The following TASOR2 variants were observed in gnomAD, a reference collection of about 807,000 sequenced individuals.
TASOR2 encodes protein TASOR 2.
TASOR2 carries 84 observed loss-of-function variants against 199.5 expected under a neutral mutation model. That is an observed-to-expected ratio of 0.42 (90% CI 0.35 to 0.50). The LOEUF is 0.50. Among genes scored for constraint, TASOR2 ranks in the 20% least tolerant of loss-of-function variants. The probability of loss-of-function intolerance (pLI) is 0.02; values close to 1 mark genes in which losing one functional copy is unlikely to be tolerated. For missense variants in TASOR2, 2,796 were observed against 2,835.9 expected, an observed-to-expected ratio of 0.99 and a Z score of 0.32; for synonymous variants, 1,103 against 1,046.6, an observed-to-expected ratio of 1.05 and a Z score of -1.04.
At chr10:5,727,845 A>G (rs1834251300) in intron 10 of TASOR2, among the ~76,000 whole-genome samples, 2 of 152,238 alleles carry the variant, frequency 1.3e-5, no homozygotes, top group African/African-American at 4.8e-5. Flanking sequence ...TTTAATGCCT[A>G]CCCTTCTTGT....
At position 5,722,109 on chromosome 10, in the gene TASOR2, G is replaced by A. The variant is rs1281334196; in HGVS notation, c.146+1139G>A. Reference sequence around the variant, plus strand: ...AAGATGTAGGTTAAGTCATAGTATCGTTATCATTGTGAATGTGTTGATTTT... The same window carrying A: ...AAGATGTAGGTTAAGTCATAGTATCATTATCATTGTGAATGTGTTGATTTT... On this transcript the variant is annotated intron_variant, in intron 6 of 20. Coordinates refer to ENST00000328090, the Ensembl canonical transcript of TASOR2. This position sits in a 1 kb window ranked among gnomAD's most constrained non-coding sequence, Gnocchi z 4.0. Among the ~76,000 whole-genome samples the A allele has an allele frequency of 6.6e-6, 1 of 152,112 alleles. No homozygotes were observed. Among genetic ancestry groups the A allele is most frequent in the African/African-American group, 2.4e-5 (1 of 41,408 alleles).
Position 5,748,738 on chromosome 10 carries a change from G to A in TASOR2, c.5317G>A (p.Ala1773Thr), listed in dbSNP as rs767026282. The A allele has an allele frequency of 1.5e-5, 24 of 1,614,022 alleles. No individual in the cohort carries two copies. Among genetic ancestry groups the A allele is most frequent in the Non-Finnish European group, 1.9e-5 (23 of 1,180,028 alleles). The change falls in exon 15 of 21, where the codon GCC (alanine) becomes ACC (threonine). Residue 1773 changes from alanine to threonine, a missense_variant. This residue lies in a region of TASOR2 where 1,941 missense variants were observed against 1,924.9 expected (regional missense o/e 1.01). Coordinates refer to ENST00000328090, the Ensembl canonical transcript of TASOR2. This position sits in a 1 kb window ranked among gnomAD's most constrained non-coding sequence, Gnocchi z 5.1. Reference sequence around the variant, plus strand: ...GGAAAACCTCAGTAAAGAGCCTTTGGCCTCCTTTGTTTCAGAATCCTTTGA... The same window carrying A: ...GGAAAACCTCAGTAAAGAGCCTTTGACCTCCTTTGTTTCAGAATCCTTTGA...
intron 1 of TASOR2, among the ~76,000 whole-genome samples, chr10:5,707,539 C>T (rs1838787035): frequency 6.6e-6 from 1 of 152,044 alleles, no homozygotes; most frequent in Non-Finnish European, 1.5e-5. Context: ...CTGTAGACTT[C>T]CATTTATATC....
chr10:5,724,824 ATG>A (rs1833841968), intron 8 of TASOR2, among the ~76,000 whole-genome samples: 2 of 151,770 alleles, frequency 1.3e-5, no homozygotes, highest in East Asian at 3.9e-4. Flanking sequence ...ACTGAACCCT[ATG>A]TATACTGTGT....
chr10:5,687,956 T>TA lies in TASOR2; in HGVS notation c.-288+2781_-288+2782insA. Among the ~76,000 whole-genome samples, 1 of 152,254 alleles carries TA rather than the reference T, an allele frequency of 6.6e-6. No individual in the cohort carries two copies. ...CCTTTAAATATAATAACCCATTACA[T>TA]CTTAACATATTTTATCTCCCCAAAA... On this transcript the variant is annotated intron_variant, in intron 1 of 20. Coordinates refer to ENST00000328090, the Ensembl canonical transcript of TASOR2. This position sits in a 1 kb window ranked among gnomAD's most constrained non-coding sequence, Gnocchi z 4.8.
Position 5,720,448 on chromosome 10 carries a change from T to A in TASOR2, c.-99-96T>A. The A allele has an allele frequency of 7.0e-7, 1 of 1,423,330 alleles. No homozygotes were observed. Among genetic ancestry groups the A allele is most frequent in the Non-Finnish European group, 9.1e-7 (1 of 1,094,522 alleles). 88.2% of individuals were successfully genotyped at this position (1,423,330 alleles called of 1,614,324 possible). ...ACCCAAGATATATTTCTGACTCTAA[T>A]GTGTTAAATTTCAGGGCTCGGTGGG... is the stretch of plus-strand genomic sequence containing the variant. On this transcript the variant is annotated intron_variant, in intron 3 of 20. Coordinates refer to ENST00000328090, the Ensembl canonical transcript of TASOR2. This position sits in a 1 kb window ranked among gnomAD's most constrained non-coding sequence, Gnocchi z 5.3.
At position 5,717,695 on chromosome 10, in the gene TASOR2, C is replaced by G. The variant is rs187989210; in HGVS notation, c.-155C>G. ...TCCAAATACTCCGACTGTCTTCATTCAAGACCATGGTATCATGGGAAATCT... is the reference window on the plus strand; with the variant it reads ...TCCAAATACTCCGACTGTCTTCATTGAAGACCATGGTATCATGGGAAATCT... On this transcript the variant is annotated 5_prime_UTR_variant, in exon 3 of 21. Transcript: ENST00000328090. The G allele has an allele frequency of 2.8e-3, 3,485 of 1,225,714 alleles. 11 individuals are homozygous for G. The highest frequency in any genetic ancestry group is 2.7e-3 in the Non-Finnish European group (2,605 of 982,198). The allele number at this position is 1,225,714 out of a possible 1,614,324, so 75.9% of individuals were successfully genotyped here.
rs562625750 is a variant in TASOR2, at chr10:5,739,257, T to C, written c.1448-361T>C. On this transcript the variant is annotated intron_variant, in intron 12 of 20. Transcript: ENST00000328090. ...CTCATCTTTTTTGGGTTTTTTTGTT[T>C]GTACATTTTTTGAGCTGAGCTGTAT... 7.2e-5 allele frequency among the ~76,000 whole-genome samples: 11 copies of C among 152,294 alleles called. No individual in the cohort carries two copies. In the East Asian group the frequency reaches 2.1e-3, roughly 29 times the overall value.
rs1835657105 is a variant in TASOR2, at chr10:5,685,136, G to GA, written c.-326dup. 1 of 398,232 alleles carries GA rather than the reference G, an allele frequency of 2.5e-6. No individual in the cohort carries two copies. Among genetic ancestry groups the GA allele is most frequent in the African/African-American group, 2.1e-5 (1 of 48,732 alleles). 24.7% of individuals were successfully genotyped at this position (398,232 alleles called of 1,614,324 possible). A position where few individuals can be genotyped will look rare whatever the true frequency, so the allele number is the denominator to read the frequency against. On this transcript the variant is annotated 5_prime_UTR_variant, in exon 1 of 21. It removes the in-frame stop codon of an upstream open reading frame in the 5' UTR. Transcript: ENST00000328090. This position sits in a 1 kb window ranked among gnomAD's most constrained non-coding sequence, Gnocchi z 5.4. ...AAGCATGGGAAGGAGGCCGAGCCGG[G>GA]ATCTCAGGTCCTCGGGGGCGGCGGC...
chr10:5,707,660 C>T (rs1197841693), intron 1 of TASOR2, among the ~76,000 whole-genome samples: 21 of 150,880 alleles, frequency 1.4e-4, no homozygotes, highest in Admixed American at 2.0e-4. Context: ...CTCTTTCTCT[C>T]TCTCTCTCTC....
chr10:5,746,031 T>C, intron 14 of TASOR2, 148 bp from the exon 16 acceptor site: 1 of 879,438 alleles, frequency 1.1e-6, no homozygotes, highest in Non-Finnish European at 1.6e-6. Flanking sequence ...ATTTGTACCC[T>C]GTGATATTCT....
At position 5,747,728 on chromosome 10, in the gene TASOR2, A is replaced by G. The variant is rs201959296; in HGVS notation, c.4307A>G (p.Asn1436Ser). 1.5e-5 allele frequency: 25 copies of G among 1,614,200 alleles called. No homozygotes were observed. The African/African-American group carries it at 3.3e-4, about 22-fold the overall frequency. ...CATGGTACACAGTGTGAGAAGAGCA[A>G]CCAAATCTCCCAATGTGAGTCAGAA... The change falls in exon 15 of 21, where the codon AAC becomes AGC. Residue 1436 changes from asparagine to serine, a missense_variant. Asn to Ser is a conservative substitution (Grantham distance 46). Transcript: ENST00000328090.
intron 2 of TASOR2, among the ~76,000 whole-genome samples, chr10:5,715,123 C>T (rs78778783): frequency 0.042 from 6,328 of 151,710 alleles, 206 homozygotes; most frequent in Non-Finnish European, 0.065. Context: ...AAAGATCTCA[C>T]GAAGAGGGGT....
exon 15 of TASOR2, chr10:5,749,353 G>A (rs1370680817): frequency 6.2e-7 from 1 of 1,614,098 alleles, no homozygotes; most frequent in Non-Finnish European, 8.5e-7. Flanking sequence ...TTTAGACCTG[G>A]AGTATCTGCG....
At chr10:5,745,370 C>T (rs964434005) in intron 14 of TASOR2, among the ~76,000 whole-genome samples, 1 of 152,122 alleles carries the variant, frequency 6.6e-6, no homozygotes, top group Non-Finnish European at 1.5e-5. Flanking sequence ...TCAATGTATT[C>T]TGAGTACAGG....
chr10:5,692,029 G>C (rs2131492579), intron 1 of TASOR2, among the ~76,000 whole-genome samples: 1 of 152,046 alleles, frequency 6.6e-6, no homozygotes, highest in South Asian at 2.1e-4. Context: ...ACAAAAATTA[G>C]CTAGGCGTGG....
In TASOR2 at chr10:5,742,748, G is replaced by C. The variant is rs1836618601; in HGVS notation, c.2757+222G>C. 6.6e-6 allele frequency among the ~76,000 whole-genome samples: 1 copy of C among 152,124 alleles called. No individual in the cohort carries two copies. The highest frequency in any genetic ancestry group is 1.5e-5 in the Non-Finnish European group (1 of 68,010). On this transcript the variant is annotated intron_variant, in intron 14 of 20. Coordinates refer to ENST00000328090, the Ensembl canonical transcript of TASOR2. This position sits in a 1 kb window ranked among gnomAD's most constrained non-coding sequence, Gnocchi z 4.2. ...ATCCCGATTGAAAAAAACCAGAGTA[G>C]AAAAATGTCACAGGGTCCACATGAT...
exon 15 of TASOR2, chr10:5,746,819 C>T (rs372128814): frequency 1.9e-6 from 3 of 1,614,180 alleles, no homozygotes; most frequent in Non-Finnish European, 2.5e-6. Flanking sequence ...GGTGGAGAGA[C>T]ACTTGATAAA....
rs1564275219 is a variant in TASOR2, at chr10:5,710,267, G to T, written c.-287-2556G>T. 1.3e-5 allele frequency among the ~76,000 whole-genome samples: 2 copies of T among 152,070 alleles called. No individual in the cohort carries two copies. Among genetic ancestry groups the T allele is most frequent in the African/African-American group, 4.8e-5 (2 of 41,428 alleles). On this transcript the variant is annotated intron_variant, in intron 1 of 20. Coordinates refer to ENST00000328090, the Ensembl canonical transcript of TASOR2. The surrounding 1 kb of genome is among the most constrained non-coding windows in gnomAD (Gnocchi z 4.6). Reference sequence around the variant, plus strand: ...TTGATGTCATTATGAACCCATGAAAGATTTAAGATTAGCTATGATTTTCCA... The same window carrying T: ...TTGATGTCATTATGAACCCATGAAATATTTAAGATTAGCTATGATTTTCCA...
Sources: gnomAD v4.1 joint callset for allele counts (sites outside exome capture counted in the v4.1 genomes callset) on GRCh38, gnomAD v4.1.1 for gene constraint, gnomAD v4.1.1 regional missense constraint, Gnocchi (gnomAD v3.1) non-coding constraint, MANE v1.5 for transcripts, NCBI Gene and HGNC (gene_info 2026-07-23, HGNC 2026-07-21) for gene names.